Variants in SLC8A1 observed in about 807,000 individuals in gnomAD.
SLC8A1 encodes solute carrier family 8 member A1, also known as sodium/calcium exchanger 1.
In SLC8A1, 18 loss-of-function variants were observed where a neutral mutation model predicts 68.3. The observed-to-expected ratio is 0.26, with a 90% CI of 0.18 to 0.39. The LOEUF (loss-of-function observed/expected upper bound fraction) is 0.39. Among genes scored for constraint, SLC8A1 ranks in the 10% least tolerant of loss-of-function variants. The pLI is 1.00. For missense variants in SLC8A1, 985 were observed against 1,156.7 expected, an observed-to-expected ratio of 0.85 and a Z score of 2.15; for synonymous variants, 475 against 415.5, an observed-to-expected ratio of 1.14 and a Z score of -1.74.
At chr2:40,207,954 A>T (rs995050708) in intron 2 of SLC8A1, among the ~76,000 whole-genome samples, 3 of 152,096 alleles carry the variant, frequency 2.0e-5, no homozygotes, top group Non-Finnish European at 4.4e-5. Context: ...AGTTGGGCAG[A>T]TTGAAGTAAC....
intron 2 of SLC8A1, among the ~76,000 whole-genome samples, chr2:40,270,671 CAAGGACTTAATCACACCTT>C (rs2149133739): frequency 6.6e-6 from 1 of 152,326 alleles, no homozygotes; most frequent in African/African-American, 2.4e-5. Context: ...CTCCTCATCT[CAAGGACTTAATCACACCTT>C]AAAAGTCCCC....
chr2:40,273,543 T>C (rs959746273), intron 2 of SLC8A1, among the ~76,000 whole-genome samples: 1 of 152,166 alleles, frequency 6.6e-6, no homozygotes, highest in Non-Finnish European at 1.5e-5. Context: ...GGAGCTTGAT[T>C]TGAAGGACAA....
intron 2 of SLC8A1, among the ~76,000 whole-genome samples, chr2:40,409,677 T>C (rs1351718006): frequency 6.6e-6 from 1 of 152,098 alleles, no homozygotes; most frequent in African/African-American, 2.4e-5. Context: ...ATAAGAGCAA[T>C]AGCATGCTCA....
intron 1 of SLC8A1, among the ~76,000 whole-genome samples, chr2:40,501,838 C>T (rs1173898080): frequency 6.6e-6 from 1 of 152,052 alleles, no homozygotes; most frequent in African/African-American, 2.4e-5. Context: ...TGTCATCTCC[C>T]TGTGGATGCA....
At chr2:40,461,874 A>G (rs1383953162) in intron 1 of SLC8A1, among the ~76,000 whole-genome samples, 1 of 152,156 alleles carries the variant, frequency 6.6e-6, no homozygotes, top group Non-Finnish European at 1.5e-5. Context: ...AAAACACTAT[A>G]CATTCATCGT....
rs1184884870 is a variant in SLC8A1 at position 40,429,892 on chromosome 2, C to T, written c.389G>A (p.Trp130Ter). The T allele has an allele frequency of 6.2e-7, 1 of 1,613,312 alleles. No homozygotes were observed. The highest frequency in any genetic ancestry group is 1.3e-5 in the African/African-American group (1 of 74,842). Residue 130 changes from tryptophan to a stop codon, truncating the protein, a stop_gained, in exon 2 of 8, where the codon TGG (tryptophan) becomes TAG (stop). Coordinates refer to ENST00000406785, the Ensembl canonical transcript of SLC8A1. LOFTEE classifies it high-confidence loss of function. ...GGTCAGGTTAGAAACTGTTTCATTC[C>T]AGATCCTCACAGTTGTCTTGGTGGT...
chr2:40,339,166 T>C (rs1666938523), intron 2 of SLC8A1, among the ~76,000 whole-genome samples: 2 of 152,240 alleles, frequency 1.3e-5, no homozygotes, highest in Non-Finnish European at 2.9e-5. Context: ...TTTCTTTTAG[T>C]TCTTAGTAAG....
chr2:40,187,299 C>T (rs151223512), intron 2 of SLC8A1, among the ~76,000 whole-genome samples: 6 of 152,270 alleles, frequency 3.9e-5, no homozygotes, highest in Non-Finnish European at 7.4e-5. Context: ...GCCTGACAAA[C>T]GGTGGTGGTG....
intron 2 of SLC8A1, among the ~76,000 whole-genome samples, chr2:40,363,669 C>T (rs1675225487): frequency 6.6e-6 from 1 of 152,104 alleles, no homozygotes; most frequent in African/African-American, 2.4e-5. Context: ...CAAATAAGCC[C>T]ATCAGAGCAA....
At chr2:40,209,573 G>C (rs184685947) in intron 2 of SLC8A1, among the ~76,000 whole-genome samples, 4 of 152,226 alleles carry the variant, frequency 2.6e-5, no homozygotes. Context: ...GATCACTCTA[G>C]CTACTCTGTG....
chr2:40,250,601 C>G (rs1290797113), intron 2 of SLC8A1: 1 of 152,062 alleles, frequency 6.6e-6, no homozygotes, highest in Non-Finnish European at 1.5e-5. Context: ...TCGAGTTATT[C>G]TTTTCAATAG....
At chr2:40,414,726 T>C (rs1693278092) in intron 2 of SLC8A1, among the ~76,000 whole-genome samples, 1 of 152,210 alleles carries the variant, frequency 6.6e-6, no homozygotes, top group Admixed American at 6.6e-5. Context: ...ATATGATTAA[T>C]TTGCCATACA....
chr2:40,411,553 CTATGA>C (rs1172246634), intron 2 of SLC8A1, among the ~76,000 whole-genome samples: 4 of 151,656 alleles, frequency 2.6e-5, no homozygotes, highest in Admixed American at 6.6e-5. Flanking sequence ...AAAATGTTTA[CTATGA>C]TATTATTTAT....
intron 2 of SLC8A1, among the ~76,000 whole-genome samples, chr2:40,247,149 C>G (rs1247518889): frequency 6.6e-6 from 1 of 152,128 alleles, no homozygotes; most frequent in Non-Finnish European, 1.5e-5. Flanking sequence ...ACCTTGGAAT[C>G]AACTCTTAGC....
intron 2 of SLC8A1, among the ~76,000 whole-genome samples, chr2:40,417,896 A>ACACACACACACACAC (rs2149729356): frequency 1.0e-5 from 1 of 96,248 alleles, no homozygotes; most frequent in Non-Finnish European, 1.9e-5. Flanking sequence ...CACACACACA[A>ACACACACACACACAC]GGTAAACGCA....
At chr2:40,494,640 AATATATAT>A (rs34595267) in intron 1 of SLC8A1, among the ~76,000 whole-genome samples, 1,413 of 92,556 alleles carry the variant, frequency 0.015, 35 homozygotes, top group East Asian at 0.05. Flanking sequence ...CTTAAAGTAT[AATATATAT>A]ATATATATAT....
At chr2:40,212,154 CAGAG>C (rs567340694) in intron 2 of SLC8A1, among the ~76,000 whole-genome samples, 55 of 151,722 alleles carry the variant, frequency 3.6e-4, no homozygotes, top group African/African-American at 1.3e-3. Context: ...CAATATGGCC[CAGAG>C]AGAGAGACAG....
chr2:40,353,975 G>A (rs12468092), intron 2 of SLC8A1, among the ~76,000 whole-genome samples: 69,275 of 151,740 alleles, frequency 0.46, 16,669 homozygotes, highest in Admixed American at 0.58. Flanking sequence ...GTAAGTGGTT[G>A]ATCCAATCAA....
exon 2 of SLC8A1, chr2:40,428,730 T>C: frequency 6.2e-7 from 1 of 1,613,766 alleles, no homozygotes; most frequent in Non-Finnish European, 8.5e-7. Flanking sequence ...GGCAAGCAAG[T>C]GTAGAAACAT....
Sources: gnomAD v4.1 joint callset for allele counts (sites outside exome capture counted in the v4.1 genomes callset) on GRCh38, gnomAD v4.1.1 for gene constraint, MANE v1.5 for transcripts, NCBI Gene and HGNC (gene_info 2026-07-23, HGNC 2026-07-21) for gene names.